PTK2: variants seen among roughly 807,000 people sequenced by gnomAD.
PTK2 encodes the protein protein tyrosine kinase 2.
A neutral mutation model predicts 150.1 loss-of-function variants in PTK2; 45 were observed. The ratio of observed to expected loss-of-function variants is 0.30; its 90% CI spans 0.24 to 0.38. The LOEUF is 0.38. Ranked by LOEUF, PTK2 falls within the 10% of genes least tolerant of loss-of-function variation. PTK2 has a pLI of 1.00. For missense variants in PTK2, 919 were observed against 1,307.3 expected, an observed-to-expected ratio of 0.70 and a Z score of 4.58; for synonymous variants, 432 against 449.2, an observed-to-expected ratio of 0.96 and a Z score of 0.48.
chr8:140,965,413 C>T (rs1170168728), intron 1 of PTK2, among the ~76,000 whole-genome samples: 1 of 152,200 alleles, frequency 6.6e-6, no homozygotes, highest in East Asian at 1.9e-4. Context: ...CATTTCTTCA[C>T]TCAATATAGG....
chr8:140,999,426 A>T (rs1378928419), intron 1 of PTK2, among the ~76,000 whole-genome samples: 1 of 152,250 alleles, frequency 6.6e-6, no homozygotes, highest in African/African-American at 2.4e-5. Context: ...AGAAGGTTCA[A>T]AATGATGGTA....
intron 4 of PTK2, among the ~76,000 whole-genome samples, chr8:140,870,831 A>G (rs1195839934): frequency 6.6e-6 from 1 of 152,184 alleles, no homozygotes; most frequent in East Asian, 1.9e-4. Context: ...ATTAAGAATA[A>G]TTTTTGGAGA....
At chr8:140,990,744 T>C (rs182638013) in intron 1 of PTK2, among the ~76,000 whole-genome samples, 6 of 152,340 alleles carry the variant, frequency 3.9e-5, no homozygotes, top group Admixed American at 6.5e-5. Context: ...TTAACTTTCA[T>C]ATACTTAAAT....
intron 15 of PTK2, among the ~76,000 whole-genome samples, chr8:140,761,480 C>A (rs527792713): frequency 4.6e-4 from 70 of 152,170 alleles, no homozygotes; most frequent in Non-Finnish European, 4.4e-4. Flanking sequence ...ACAATGAGTT[C>A]TACTAAAGGT....
chr8:140,914,642 A>C (rs1452528349), intron 2 of PTK2, among the ~76,000 whole-genome samples: 1 of 151,692 alleles, frequency 6.6e-6, no homozygotes, highest in Non-Finnish European at 1.5e-5. Context: ...GTGTTTTTTT[A>C]ATTTCCACAA....
chr8:140,751,881 G>T (rs773661099), intron 17 of PTK2: 1 of 526,954 alleles, frequency 1.9e-6, no homozygotes, highest in South Asian at 1.4e-5. Flanking sequence ...ATCAGGGCAG[G>T]GACTGTGTGT....
chr8:140,809,785 G>A (rs573137778), intron 10 of PTK2, among the ~76,000 whole-genome samples: 1 of 152,332 alleles, frequency 6.6e-6, no homozygotes, highest in East Asian at 1.9e-4. Flanking sequence ...CAGCCTGGGT[G>A]ACAGGGTGAG....
chr8:140,819,250 G>A lies in PTK2; in HGVS notation c.649-230C>T, dbSNP rs533802084. Among the ~76,000 whole-genome samples the A allele has an allele frequency of 5.3e-5, 8 of 152,190 alleles. No homozygotes were observed. In the South Asian group the frequency reaches 1.5e-3, roughly 28 times the overall value. Reference sequence around the variant, plus strand: ...TTCACCATCTTAACCATTTTTAACTGTAAAGTTCATATATAGAGTTTTATT... The same window carrying A: ...TTCACCATCTTAACCATTTTTAACTATAAAGTTCATATATAGAGTTTTATT... On this transcript the variant is annotated intron_variant, in intron 8 of 31. Transcript: ENST00000522684.
intron 8 of PTK2, among the ~76,000 whole-genome samples, chr8:140,824,173 A>C (rs146003901): frequency 1.3e-5 from 2 of 152,278 alleles, no homozygotes; most frequent in African/African-American, 4.8e-5. Context: ...TCTCCCCGAT[A>C]ATTTAATCTG....
chr8:140,793,576 T>C (rs1195571046), intron 12 of PTK2, among the ~76,000 whole-genome samples, 192 bp from the exon 13 acceptor site: 1 of 152,172 alleles, frequency 6.6e-6, no homozygotes, highest in African/African-American at 2.4e-5. Context: ...ATAAACTGAG[T>C]ATTAGATACA....
intron 2 of PTK2, among the ~76,000 whole-genome samples, chr8:140,914,961 A>G (rs1373546909): frequency 7.2e-6 from 1 of 139,156 alleles, no homozygotes; most frequent in Non-Finnish European, 1.5e-5. Context: ...TGAACCCGGG[A>G]GGCAGAGGTT....
chr8:140,802,470 A>G (rs557391910), intron 11 of PTK2, among the ~76,000 whole-genome samples: 81 of 152,372 alleles, frequency 5.3e-4, no homozygotes, highest in African/African-American at 1.9e-3. Flanking sequence ...TTTATAAAAT[A>G]TAAAAGTTAC....
intron 4 of PTK2, among the ~76,000 whole-genome samples, chr8:140,868,453 G>A (rs2100140646): frequency 6.6e-6 from 1 of 152,214 alleles, no homozygotes; most frequent in South Asian, 2.1e-4. Flanking sequence ...ATCAGTGGGT[G>A]AAAGTGAGAA....
intron 3 of PTK2, among the ~76,000 whole-genome samples, chr8:140,882,448 T>A (rs1414400772): frequency 6.6e-6 from 1 of 152,190 alleles, no homozygotes; most frequent in Non-Finnish European, 1.5e-5. Context: ...TAAATTTAAA[T>A]TTCTCATCGT....
Position 140,902,951 on chromosome 8 carries a change from T to G in PTK2, c.-32-12182A>C, listed in dbSNP as rs1423771266. Among the ~76,000 whole-genome samples, 16 of 142,770 alleles carry G rather than the reference T, an allele frequency of 1.1e-4. No homozygotes were observed. In the South Asian group the frequency reaches 1.6e-3, roughly 14 times the overall value. The allele number at this position is 142,770 out of a possible 152,430, so 93.7% of individuals were successfully genotyped here. ...TTTTTTTTTTTTTTTTTTTTTTTTTTTTTTTTTTGCCATGCAGAAGCTCTT... is the reference window on the plus strand; with the variant it reads ...TTTTTTTTTTTTTTTTTTTTTTTTTGTTTTTTTTGCCATGCAGAAGCTCTT... On this transcript the variant is annotated intron_variant, in intron 2 of 31. Coordinates refer to ENST00000522684, the Ensembl canonical transcript of PTK2.
chr8:140,935,435 T>C (rs1286051216), intron 1 of PTK2, among the ~76,000 whole-genome samples: 1 of 152,102 alleles, frequency 6.6e-6, no homozygotes, highest in Non-Finnish European at 1.5e-5. Flanking sequence ...TAGGCTGCGA[T>C]GTATCCATGG....
intron 1 of PTK2, among the ~76,000 whole-genome samples, chr8:140,976,363 A>C (rs1028955978): frequency 5.9e-5 from 9 of 152,350 alleles, no homozygotes; most frequent in African/African-American, 2.2e-4. Flanking sequence ...GATAATTTTC[A>C]AGTTAATGCT....
chr8:140,927,051 C>T (rs1304409756), intron 1 of PTK2, among the ~76,000 whole-genome samples: 2 of 152,140 alleles, frequency 1.3e-5, no homozygotes, highest in Non-Finnish European at 2.9e-5. Context: ...TAAGATGCTG[C>T]ATTAGTTTTT....
chr8:140,700,006 C>T (rs1253654926), intron 26 of PTK2, among the ~76,000 whole-genome samples: 13 of 152,086 alleles, frequency 8.5e-5, no homozygotes, highest in African/African-American at 3.1e-4. Context: ...GGTAGTAAAA[C>T]CTGAACCGAT....
Sources: gnomAD v4.1 joint callset for allele counts (sites outside exome capture counted in the v4.1 genomes callset) on GRCh38, gnomAD v4.1.1 for gene constraint, MANE v1.5 for transcripts, NCBI Gene and HGNC (gene_info 2026-07-23, HGNC 2026-07-21) for gene names.